Variants in ZEB2 observed in about 807,000 individuals in gnomAD.
ZEB2 encodes zinc finger E-box binding homeobox 2.
A neutral mutation model predicts 99.9 loss-of-function variants in ZEB2; 6 were observed. The ratio of observed to expected loss-of-function variants is 0.06; its 90% CI spans 0.03 to 0.12. The LOEUF is 0.12. Ranked by LOEUF, ZEB2 falls within the 10% of genes least tolerant of loss-of-function variation. The pLI is 1.00. For missense variants in ZEB2, 969 were observed against 1,502.8 expected, an observed-to-expected ratio of 0.64 and a Z score of 5.87; for synonymous variants, 517 against 542.5, an observed-to-expected ratio of 0.95 and a Z score of 0.65.
chr2:144,486,484 T>C (rs955592551), intron 2 of ZEB2, among the ~76,000 whole-genome samples: 2 of 152,102 alleles, frequency 1.3e-5, no homozygotes, highest in African/African-American at 4.8e-5. Flanking sequence ...CTTATTTCCA[T>C]GTGTATTCTT....
At chr2:144,477,444 C>T (rs950649647) in intron 2 of ZEB2, among the ~76,000 whole-genome samples, 4 of 152,150 alleles carry the variant, frequency 2.6e-5, no homozygotes, top group Non-Finnish European at 5.9e-5. Flanking sequence ...TTACTGTAAT[C>T]TCTGCCAGTA....
intron 2 of ZEB2, among the ~76,000 whole-genome samples, chr2:144,509,775 G>C (rs926694704): frequency 5.3e-5 from 8 of 152,140 alleles, no homozygotes; most frequent in African/African-American, 1.9e-4. Context: ...GTCACGAGAG[G>C]TTTCTGCTCT....
At chr2:144,503,467 C>A (rs1172588834) in intron 2 of ZEB2, among the ~76,000 whole-genome samples, 1 of 152,136 alleles carries the variant, frequency 6.6e-6, no homozygotes, top group African/African-American at 2.4e-5. Context: ...TCAGCCAATG[C>A]CTGTCATACA....
chr2:144,485,183 T>A (rs190384718), intron 2 of ZEB2, among the ~76,000 whole-genome samples: 4 of 152,308 alleles, frequency 2.6e-5, no homozygotes, highest in African/African-American at 9.6e-5. Context: ...TTCTACCCAA[T>A]GGGAAAAGTC....
At chr2:144,473,899 T>A (rs1337232097) in intron 2 of ZEB2, among the ~76,000 whole-genome samples, 1 of 152,162 alleles carries the variant, frequency 6.6e-6, no homozygotes, top group East Asian at 1.9e-4. Flanking sequence ...GTATGCAAAG[T>A]AATGTAGCAT....
At chr2:144,467,168 A>T (rs912094065) in intron 2 of ZEB2, among the ~76,000 whole-genome samples, 1 of 152,138 alleles carries the variant, frequency 6.6e-6, no homozygotes, top group Non-Finnish European at 1.5e-5. Context: ...TAAATAAAAA[A>T]AAAAAGGCCT....
intron 4 of ZEB2, among the ~76,000 whole-genome samples, chr2:144,416,375 T>A (rs1437103813): frequency 2.0e-5 from 3 of 152,234 alleles, no homozygotes; most frequent in Non-Finnish European, 4.4e-5. Context: ...AGTATAGTCT[T>A]GTTGCAGACT....
At chr2:144,469,877 A>G (rs1704331582) in intron 2 of ZEB2, among the ~76,000 whole-genome samples, 1 of 152,098 alleles carries the variant, frequency 6.6e-6, no homozygotes. Context: ...CATTTGATAC[A>G]TTTTCAAGGG....
At chr2:144,509,151 T>C (rs184075503) in intron 2 of ZEB2, among the ~76,000 whole-genome samples, 1 of 152,344 alleles carries the variant, frequency 6.6e-6, no homozygotes, top group Admixed American at 6.5e-5. Context: ...GCCAGGATTT[T>C]ATCTGCTGAG....
intron 3 of ZEB2, among the ~76,000 whole-genome samples, chr2:144,425,417 T>C (rs1331353952): frequency 2.0e-5 from 3 of 152,188 alleles, no homozygotes; most frequent in South Asian, 4.1e-4. Context: ...GTAACAACAA[T>C]ACCTGTTTCA....
At chr2:144,510,687 CCTCTCTCTCT>C (rs34688250) in intron 2 of ZEB2, among the ~76,000 whole-genome samples, 37 of 147,976 alleles carry the variant, frequency 2.5e-4, no homozygotes, top group East Asian at 2.2e-3. Flanking sequence ...CTACCCTGTG[CCTCTCTCTCT>C]CTCTCTCTCT....
At chr2:144,404,778 T>G in intron 5 of ZEB2, 58 bp downstream of exon 5, 1 of 1,584,508 alleles carries the variant, frequency 6.3e-7, no homozygotes, top group Non-Finnish European at 8.6e-7. Context: ...GTAGTGCATT[T>G]GTAATTGTAA....
At position 144,486,370 on chromosome 2, in the gene ZEB2, GTT is replaced by G. The variant is rs10710970; in HGVS notation, c.73+30906_73+30907del. Among the ~76,000 whole-genome samples the G allele has an allele frequency of 7.7e-3, 1,126 of 145,756 alleles. 9 individuals are homozygous for G. The highest frequency in any genetic ancestry group is 0.021 in the African/African-American group (842 of 40,060). On this transcript the variant is annotated intron_variant, in intron 2 of 9. Coordinates refer to ENST00000627532, the MANE Select transcript of ZEB2 (RefSeq NM_014795.4). ...AAAATGTCAAATAAGGTACTAGAAG[GTT>G]TTTTTTTTTTTTAAAGAAAGAATAT...
chr2:144,447,467 A>C (rs1270605149), intron 2 of ZEB2, among the ~76,000 whole-genome samples: 1 of 152,146 alleles, frequency 6.6e-6, no homozygotes, highest in African/African-American at 2.4e-5. Flanking sequence ...TTTATTATTT[A>C]TTATTATCCC....
At chr2:144,510,361 C>A (rs909031400) in intron 2 of ZEB2, among the ~76,000 whole-genome samples, 13 of 152,066 alleles carry the variant, frequency 8.5e-5, no homozygotes, top group Non-Finnish European at 1.5e-4. Context: ...CTCCCACCCC[C>A]AGGGCCCTCA....
intron 4 of ZEB2, among the ~76,000 whole-genome samples, chr2:144,407,706 A>G (rs554903753): frequency 5.9e-5 from 9 of 152,204 alleles, no homozygotes; most frequent in Admixed American, 1.3e-4. Context: ...AAGTAACGTA[A>G]TAGCTCCTTT....
At chr2:144,512,387 C>A (rs938668058) in intron 2 of ZEB2, 1 of 1,287,108 alleles carries the variant, frequency 7.8e-7, no homozygotes, top group African/African-American at 1.5e-5. Context: ...GCTAGCAACG[C>A]CCTCCTTTCC....
intron 4 of ZEB2, among the ~76,000 whole-genome samples, chr2:144,423,564 G>C (rs903494768): frequency 6.6e-6 from 1 of 152,096 alleles, no homozygotes; most frequent in East Asian, 1.9e-4. Context: ...ACTTGCCCAA[G>C]GGTTACAATC....
intron 2 of ZEB2, among the ~76,000 whole-genome samples, chr2:144,482,883 A>G (rs1185780230): frequency 6.6e-6 from 1 of 151,302 alleles, no homozygotes; most frequent in Non-Finnish European, 1.5e-5. Context: ...CCATTTGTCT[A>G]TATCATTATT....
Sources: gnomAD v4.1 joint callset for allele counts (sites outside exome capture counted in the v4.1 genomes callset) on GRCh38, gnomAD v4.1.1 for gene constraint, MANE v1.5 for transcripts, NCBI Gene and HGNC (gene_info 2026-07-23, HGNC 2026-07-21) for gene names.